Variants in MDGA2 observed in about 807,000 individuals in gnomAD.
The protein encoded by MDGA2 is MAM domain containing glycosylphosphatidylinositol anchor 2.
In MDGA2, 40 loss-of-function variants were observed where a neutral mutation model predicts 117.8. That is an observed-to-expected ratio of 0.34 (90% confidence interval 0.26 to 0.44). The LOEUF is 0.44. Among genes scored for constraint, MDGA2 ranks in the 20% least tolerant of loss-of-function variants. The pLI, the probability that MDGA2 is intolerant of heterozygous loss-of-function variation, is 1.00. For synonymous variants in MDGA2, 452 were observed against 439.0 expected, an observed-to-expected ratio of 1.03 and a Z score of -0.37; for missense variants, 1,123 against 1,250.6, an observed-to-expected ratio of 0.90 and a Z score of 1.54.
intron 1 of MDGA2, among the ~76,000 whole-genome samples, chr14:47,469,724 G>A (rs1272030333): frequency 2.0e-5 from 3 of 152,022 alleles, no homozygotes; most frequent in Admixed American, 6.6e-5. Context: ...CTGAGGAATC[G>A]CCACACTGAC....
At chr14:47,380,073 CA>C (rs2138414713) in intron 1 of MDGA2, among the ~76,000 whole-genome samples, 1 of 152,282 alleles carries the variant, frequency 6.6e-6, no homozygotes, top group Non-Finnish European at 1.5e-5. Flanking sequence ...GAAACTCACT[CA>C]AAACTGCTCA....
intron 8 of MDGA2, among the ~76,000 whole-genome samples, chr14:47,032,934 T>C (rs953925311): frequency 6.6e-6 from 1 of 152,166 alleles, no homozygotes; most frequent in East Asian, 1.9e-4. Flanking sequence ...CAGGGAAGTT[T>C]TCCTCTGAGA....
At position 47,367,870 on chromosome 14, in the gene MDGA2, C is replaced by T. The variant is rs189268091; in HGVS notation, c.281-66320G>A. On this transcript the variant is annotated intron_variant, in intron 1 of 16. Coordinates refer to ENST00000399232, the MANE Select transcript of MDGA2 (RefSeq NM_001113498.3). The stretch of plus-strand genomic sequence containing the variant: ...CTAAAGCGATGTTCTTTGTATCTAT[C>T]TGGGTAAGTAAAAATGTATTTTTCC... Among the ~76,000 whole-genome samples the T allele has an allele frequency of 9.3e-4, 141 of 152,238 alleles. 1 individual carries two copies. Among genetic ancestry groups the T allele is most frequent in the Admixed American group, 2.4e-3 (36 of 15,286 alleles).
chr14:46,880,071 T>G (rs988507833), intron 11 of MDGA2, among the ~76,000 whole-genome samples: 2 of 152,090 alleles, frequency 1.3e-5, no homozygotes, highest in African/African-American at 4.8e-5. Context: ...CTCATGCCCG[T>G]AATCCAAGCA....
intron 6 of MDGA2, among the ~76,000 whole-genome samples, chr14:47,076,819 T>C (rs1890513356): frequency 6.6e-6 from 1 of 152,080 alleles, no homozygotes; most frequent in Non-Finnish European, 1.5e-5. Flanking sequence ...ACTTAGGCAA[T>C]GGTGCAATAC....
chr14:47,337,000 A>C (rs2139932713), intron 1 of MDGA2, among the ~76,000 whole-genome samples: 1 of 152,104 alleles, frequency 6.6e-6, no homozygotes, highest in African/African-American at 2.4e-5. Flanking sequence ...TGGAAAACAT[A>C]AATATGTATC....
chr14:46,860,305 T>C (rs2138318951), intron 14 of MDGA2, among the ~76,000 whole-genome samples: 1 of 152,114 alleles, frequency 6.6e-6, no homozygotes, highest in East Asian at 1.9e-4. Context: ...ACATTTATTA[T>C]TATATAAAAT....
chr14:46,873,270 A>G (rs1882089010), intron 14 of MDGA2, 163 bp downstream of exon 14: 1 of 582,146 alleles, frequency 1.7e-6, no homozygotes. Flanking sequence ...AGATGGTGGG[A>G]AAAAATTCTT....
chr14:47,152,540 C>T (rs1290445162), intron 3 of MDGA2, among the ~76,000 whole-genome samples: 4 of 152,010 alleles, frequency 2.6e-5, no homozygotes, highest in Admixed American at 1.3e-4. Context: ...ATATGTAACA[C>T]GATGAGTATT....
At chr14:47,488,154 G>A (rs911483644) in intron 1 of MDGA2, among the ~76,000 whole-genome samples, 2 of 152,062 alleles carry the variant, frequency 1.3e-5, no homozygotes, top group East Asian at 1.9e-4. Flanking sequence ...AATCGAGTAG[G>A]TCACCCTATA....
intron 1 of MDGA2, among the ~76,000 whole-genome samples, chr14:47,435,411 C>T (rs947764286): frequency 1.1e-4 from 16 of 152,172 alleles, no homozygotes; most frequent in African/African-American, 3.6e-4. Context: ...AGGGATTGTG[C>T]ACATTTTCAC....
chr14:47,379,800 T>A (rs1320026596), intron 1 of MDGA2, among the ~76,000 whole-genome samples: 2 of 152,088 alleles, frequency 1.3e-5, no homozygotes, highest in Admixed American at 6.6e-5. Flanking sequence ...ACTGTCAACA[T>A]TAGACAGATC....
chr14:47,419,863 G>T (rs1223665827), intron 1 of MDGA2, among the ~76,000 whole-genome samples: 1 of 151,956 alleles, frequency 6.6e-6, no homozygotes, highest in African/African-American at 2.4e-5. Flanking sequence ...TTTTATTGAG[G>T]TAGTCATACT....
intron 7 of MDGA2, chr14:47,059,182 A>C: frequency 1.2e-6 from 1 of 802,592 alleles, no homozygotes; most frequent in Non-Finnish European, 1.7e-6. Flanking sequence ...GTTAATAATT[A>C]TCTGTTTAGT....
intron 6 of MDGA2, among the ~76,000 whole-genome samples, chr14:47,071,285 GCT>G (rs1320519076): frequency 1.3e-5 from 2 of 152,116 alleles, no homozygotes; most frequent in East Asian, 3.9e-4. Flanking sequence ...AATGTGGTAA[GCT>G]CTGTTTAATC....
At chr14:47,179,551 T>C (rs918267456) in intron 3 of MDGA2, among the ~76,000 whole-genome samples, 3 of 152,040 alleles carry the variant, frequency 2.0e-5, no homozygotes, top group Admixed American at 6.6e-5. Context: ...CATTTACACA[T>C]AATTAAAGGT....
chr14:47,000,444 A>AAT (rs1056625560), intron 8 of MDGA2, among the ~76,000 whole-genome samples: 10 of 100,472 alleles, frequency 1.0e-4, no homozygotes, highest in East Asian at 3.7e-4. Context: ...TATACATATA[A>AAT]ATATATATAT....
chr14:47,532,054 G>A (rs569376656), intron 1 of MDGA2, among the ~76,000 whole-genome samples: 1 of 152,268 alleles, frequency 6.6e-6, no homozygotes, highest in African/African-American at 2.4e-5. Context: ...CCTTATAAGG[G>A]TGCTAAGTCT....
chr14:46,966,940 G>C (rs932143818), intron 8 of MDGA2, among the ~76,000 whole-genome samples: 7 of 139,774 alleles, frequency 5.0e-5, no homozygotes, highest in Non-Finnish European at 9.6e-5. Context: ...AGAGTAAGTA[G>C]TTCATGCATT....
Sources: allele counts gnomAD v4.1 joint callset (sites outside exome capture counted in the v4.1 genomes callset), GRCh38; gene constraint gnomAD v4.1.1; transcripts MANE v1.5; gene names NCBI Gene and HGNC (gene_info 2026-07-23, HGNC 2026-07-21).